The following SGCZ variants were observed in gnomAD, a reference collection of about 807,000 sequenced individuals.
The protein encoded by SGCZ is zeta-sarcoglycan.
Under a neutral mutation model 41.3 loss-of-function variants are expected in SGCZ, and 40 were observed. The observed-to-expected ratio is 0.97, with a 90% CI of 0.75 to 1.26. The LOEUF (loss-of-function observed/expected upper bound fraction) is 1.26, where lower values mean the gene tolerates loss of function less well. Ranked by LOEUF, SGCZ falls within the 50% of genes most tolerant of loss-of-function variation. The pLI is 0.00. For missense variants in SGCZ, 552 were observed against 369.8 expected, an observed-to-expected ratio of 1.49 and a Z score of -4.04; for synonymous variants, 206 against 137.5, an observed-to-expected ratio of 1.50 and a Z score of -3.49.
At chr8:14,346,461 T>C (rs562368238) in intron 2 of SGCZ, among the ~76,000 whole-genome samples, 2 of 152,120 alleles carry the variant, frequency 1.3e-5, no homozygotes, top group South Asian at 2.1e-4. Flanking sequence ...AAAAGAACTA[T>C]ATATAAATGC....
chr8:14,609,718 G>C (rs1291369057), intron 1 of SGCZ, among the ~76,000 whole-genome samples: 1 of 152,150 alleles, frequency 6.6e-6, no homozygotes, highest in Non-Finnish European at 1.5e-5. Flanking sequence ...TGAAGCCAGA[G>C]CTAAATTTGG....
chr8:14,880,096 C>T (rs1804530612), intron 1 of SGCZ, among the ~76,000 whole-genome samples: 1 of 152,274 alleles, frequency 6.6e-6, no homozygotes, highest in Admixed American at 6.5e-5. Flanking sequence ...CCACCTTGGC[C>T]TTCCAAAGTG....
At chr8:14,176,736 G>A (rs1436162051) in intron 4 of SGCZ, among the ~76,000 whole-genome samples, 1 of 152,278 alleles carries the variant, frequency 6.6e-6, no homozygotes, top group Non-Finnish European at 1.5e-5. Flanking sequence ...CCCAGCCTAG[G>A]AGCAGGTGTC....
At chr8:15,158,931 C>A (rs1799414170) in intron 1 of SGCZ, among the ~76,000 whole-genome samples, 1 of 152,156 alleles carries the variant, frequency 6.6e-6, no homozygotes, top group Non-Finnish European at 1.5e-5. Context: ...ATTTGGTCTT[C>A]AACCTGTTTC....
At chr8:14,196,104 T>C (rs967926262) in intron 4 of SGCZ, among the ~76,000 whole-genome samples, 3 of 152,104 alleles carry the variant, frequency 2.0e-5, no homozygotes, top group African/African-American at 7.2e-5. Flanking sequence ...GAGAAATGGA[T>C]GTACACCAGT....
chr8:14,784,331 C>T lies in SGCZ; in HGVS notation c.40-229405G>A, dbSNP rs556760183. Among the ~76,000 whole-genome samples the T allele has an allele frequency of 3.9e-5, 6 of 152,042 alleles. No individual in the cohort carries two copies. In the East Asian group the frequency reaches 1.2e-3, roughly 30 times the overall value. ...CCTCCCAAATTTCTGGGATTACAGA[C>T]GTAAGCCACCATGACTGGCCCCTTT... On this transcript the variant is annotated intron_variant, in intron 1 of 7. Coordinates refer to ENST00000382080, the MANE Select transcript of SGCZ (RefSeq NM_139167.4).
chr8:14,435,511 T>C (rs62499697), intron 2 of SGCZ, among the ~76,000 whole-genome samples: 30,808 of 152,178 alleles, frequency 0.2, 3,830 homozygotes, highest in Non-Finnish European at 0.29. Context: ...TGCGATCATA[T>C]ACTTATGTTA....
At chr8:14,458,122 T>C (rs1321208974) in intron 2 of SGCZ, among the ~76,000 whole-genome samples, 1 of 152,178 alleles carries the variant, frequency 6.6e-6, no homozygotes, top group Non-Finnish European at 1.5e-5. Flanking sequence ...TGTGTTTGTA[T>C]AGTTATGACT....
At chr8:14,459,560 A>C (rs1275357792) in intron 2 of SGCZ, among the ~76,000 whole-genome samples, 1 of 152,188 alleles carries the variant, frequency 6.6e-6, no homozygotes, top group Non-Finnish European at 1.5e-5. Context: ...AAGTTTGAGG[A>C]GAAGCAAGAT....
chr8:14,933,398 T>C (rs763438445), intron 1 of SGCZ, among the ~76,000 whole-genome samples: 16 of 151,484 alleles, frequency 1.1e-4, no homozygotes, highest in Non-Finnish European at 1.8e-4. Context: ...TTCAGCACCA[T>C]TGAAGGAGTT....
At chr8:14,480,003 C>T (rs1316993943) in intron 2 of SGCZ, among the ~76,000 whole-genome samples, 1 of 152,182 alleles carries the variant, frequency 6.6e-6, no homozygotes, top group Non-Finnish European at 1.5e-5. Context: ...CCTCGGCATC[C>T]CAAAGCACCG....
intron 2 of SGCZ, among the ~76,000 whole-genome samples, chr8:14,480,011 C>G (rs116907872): frequency 0.019 from 2,953 of 152,312 alleles, 44 homozygotes; most frequent in East Asian, 0.08. Context: ...TCCCAAAGCA[C>G]CGGGATTACG....
At chr8:14,393,861 C>A (rs532850420) in intron 2 of SGCZ, among the ~76,000 whole-genome samples, 4 of 152,250 alleles carry the variant, frequency 2.6e-5, no homozygotes, top group African/African-American at 9.6e-5. Flanking sequence ...TCTGAACATT[C>A]TACAAAGCGC....
At chr8:14,264,071 C>A (rs1324595511) in intron 3 of SGCZ, among the ~76,000 whole-genome samples, 4 of 152,184 alleles carry the variant, frequency 2.6e-5, no homozygotes, top group Non-Finnish European at 4.4e-5. Context: ...TCTCATGTTC[C>A]AGCCAGCACT....
chr8:14,189,184 C>T (rs1805011356), intron 4 of SGCZ, among the ~76,000 whole-genome samples: 1 of 151,980 alleles, frequency 6.6e-6, no homozygotes, highest in Non-Finnish European at 1.5e-5. Flanking sequence ...TTGTCAAAAC[C>T]ACTATCATCT....
chr8:14,624,628 T>A (rs1585134162), intron 1 of SGCZ, among the ~76,000 whole-genome samples: 2 of 144,318 alleles, frequency 1.4e-5, no homozygotes, highest in African/African-American at 5.1e-5. Context: ...TGGAGTGCAG[T>A]TGTGTGATCT....
chr8:14,543,622 C>A (rs1369467720), intron 2 of SGCZ, among the ~76,000 whole-genome samples: 1 of 152,130 alleles, frequency 6.6e-6, no homozygotes. Flanking sequence ...TTGATCACAA[C>A]AGATATTTAC....
chr8:14,424,522 G>C (rs1351339861), intron 2 of SGCZ, among the ~76,000 whole-genome samples: 2 of 152,052 alleles, frequency 1.3e-5, no homozygotes, highest in African/African-American at 2.4e-5. Context: ...ACAAATATGT[G>C]TGTGTGTATA....
At chr8:14,309,780 C>A in intron 3 of SGCZ, 1 of 1,478,670 alleles carries the variant, frequency 6.8e-7, no homozygotes, top group Non-Finnish European at 9.2e-7. Flanking sequence ...ATTTAAATTT[C>A]ATTTCCATCT....
Sources: allele counts gnomAD v4.1 joint callset (sites outside exome capture counted in the v4.1 genomes callset), GRCh38; gene constraint gnomAD v4.1.1; transcripts MANE v1.5; gene names NCBI Gene and HGNC (gene_info 2026-07-23, HGNC 2026-07-21).